The following MMP16 variants were observed in gnomAD, a reference collection of about 807,000 sequenced individuals.
MMP16 encodes matrix metalloproteinase-16.
A neutral mutation model predicts 67.8 loss-of-function variants in MMP16; 12 were observed. The ratio of observed to expected loss-of-function variants is 0.18; its 90% confidence interval spans 0.11 to 0.29. MMP16 has a LOEUF of 0.29. MMP16 is among the 10% of genes least tolerant of loss of function. MMP16 has a pLI of 1.00. For missense variants in MMP16, 475 were observed against 765.7 expected (o/e 0.62, Z 4.48); for synonymous variants, 249 against 255.9 (o/e 0.97, Z 0.26).
chr8:88,102,114 G>A (rs1291523440), intron 6 of MMP16, among the ~76,000 whole-genome samples: 1 of 151,792 alleles, frequency 6.6e-6, no homozygotes, highest in Non-Finnish European at 1.5e-5. Flanking sequence ...CAAAATATGT[G>A]GAGCTTTGTC....
At chr8:88,210,545 A>T (rs932275194) in intron 1 of MMP16, among the ~76,000 whole-genome samples, 3 of 152,104 alleles carry the variant, frequency 2.0e-5, no homozygotes, top group African/African-American at 7.2e-5. Flanking sequence ...TCTCCCCCAT[A>T]TACACACACA....
intron 4 of MMP16, among the ~76,000 whole-genome samples, chr8:88,155,547 TG>T (rs1454522806): frequency 1.1e-4 from 16 of 152,160 alleles, no homozygotes; most frequent in African/African-American, 3.4e-4. Context: ...TGTTTGCTTA[TG>T]TATTTTGCTT....
chr8:88,245,282 C>G (rs894688351), intron 1 of MMP16, among the ~76,000 whole-genome samples: 1 of 152,190 alleles, frequency 6.6e-6, no homozygotes, highest in Non-Finnish European at 1.5e-5. Flanking sequence ...AATAAATATA[C>G]AGGCTGTTCC....
At chr8:88,324,499 A>G (rs1436239263) in intron 1 of MMP16, among the ~76,000 whole-genome samples, 1 of 152,194 alleles carries the variant, frequency 6.6e-6, no homozygotes, top group Non-Finnish European at 1.5e-5. Context: ...CTTAGTTGTC[A>G]GCATAAAAAG....
At position 88,041,315 on chromosome 8, in the gene MMP16, C is replaced by A; in HGVS notation, c.*146G>T. On this transcript the variant is annotated 3_prime_UTR_variant, in exon 10 of 10. Transcript: ENST00000286614. The surrounding 1 kb of genome is among the most constrained non-coding windows in gnomAD (Gnocchi z 6.0). ...GTGTATTTCCACTCATGTGCAGGAC[C>A]AGCAACCCTCTGGGTTTGAAAGGTC... 4.1e-6 allele frequency: 3 copies of A among 731,818 alleles called. No homozygotes were observed. The highest frequency in any genetic ancestry group is 3.6e-5 in the South Asian group (2 of 56,088). 45.3% of individuals were successfully genotyped at this position (731,818 alleles called of 1,614,324 possible). A position where few individuals can be genotyped will look rare whatever the true frequency, so the allele number is the denominator to read the frequency against.
At chr8:88,223,768 C>G (rs897437858) in intron 1 of MMP16, among the ~76,000 whole-genome samples, 3 of 151,202 alleles carry the variant, frequency 2.0e-5, no homozygotes, top group Non-Finnish European at 3.0e-5. Flanking sequence ...TGCAGCACAC[C>G]AACATGGCAC....
chr8:88,081,306 G>A (rs1808747554), intron 6 of MMP16, among the ~76,000 whole-genome samples: 1 of 152,160 alleles, frequency 6.6e-6, no homozygotes. Flanking sequence ...TTTCACCACT[G>A]AACTGACTCA....
At position 88,175,973 on chromosome 8, in the gene MMP16, G is replaced by A. The variant is rs141767768; in HGVS notation, c.405-8000C>T. On this transcript the variant is annotated intron_variant, in intron 3 of 9. Coordinates refer to ENST00000286614, the MANE Select transcript of MMP16 (RefSeq NM_005941.5). ...CTGCCATGATTGTGAGGCCTCCCTA[G>A]CCATGTGGAACTGTGAGTCCATTAA... Among the ~76,000 whole-genome samples the A allele has an allele frequency of 2.6e-3, 401 of 152,266 alleles. 1 individual carries two copies. The highest frequency in any genetic ancestry group is 9.0e-3 in the African/African-American group (374 of 41,562).
chr8:88,296,997 G>T (rs1049213142), intron 1 of MMP16, among the ~76,000 whole-genome samples: 5 of 151,894 alleles, frequency 3.3e-5, no homozygotes, highest in Non-Finnish European at 7.4e-5. Context: ...GGAAAGTTAT[G>T]ATTTTAAATT....
intron 1 of MMP16, among the ~76,000 whole-genome samples, chr8:88,264,651 TGATCATTTGAAATA>T (rs1260874516): frequency 6.6e-6 from 1 of 152,188 alleles, no homozygotes; most frequent in Admixed American, 6.5e-5. Context: ...TCCTCAGAAA[TGATCATTTGAAATA>T]TGATTCAGGC....
chr8:88,084,511 G>C (rs1808801969), intron 6 of MMP16, among the ~76,000 whole-genome samples: 1 of 151,814 alleles, frequency 6.6e-6, no homozygotes, highest in Non-Finnish European at 1.5e-5. Flanking sequence ...CCCAATAAAA[G>C]ATCTAAAAAG....
At chr8:88,077,286 T>G (rs1357445157) in intron 6 of MMP16, among the ~76,000 whole-genome samples, 1 of 152,196 alleles carries the variant, frequency 6.6e-6, no homozygotes, top group Non-Finnish European at 1.5e-5. Flanking sequence ...CATGTCATGG[T>G]TACTATAGAC....
intron 6 of MMP16, among the ~76,000 whole-genome samples, chr8:88,082,318 T>C (rs1808764641): frequency 6.6e-6 from 1 of 152,116 alleles, no homozygotes; most frequent in Non-Finnish European, 1.5e-5. Flanking sequence ...TTATTTCTGG[T>C]AGGAGTGCAA....
At chr8:88,216,262 T>C (rs972782974) in intron 1 of MMP16, among the ~76,000 whole-genome samples, 9 of 152,146 alleles carry the variant, frequency 5.9e-5, no homozygotes, top group Non-Finnish European at 1.3e-4. Flanking sequence ...GACAGTTTTT[T>C]AAAAAAATTA....
chr8:88,160,918 G>C (rs182904357), intron 4 of MMP16, among the ~76,000 whole-genome samples: 41 of 152,332 alleles, frequency 2.7e-4, no homozygotes, highest in Admixed American at 2.0e-3. Context: ...TGGTGGATAA[G>C]CTTTTTGATG....
intron 7 of MMP16, among the ~76,000 whole-genome samples, chr8:88,070,439 G>T (rs751460189): frequency 6.6e-6 from 1 of 152,096 alleles, no homozygotes; most frequent in African/African-American, 2.4e-5. Context: ...ATGGCCCTCC[G>T]TGAGTGTCAG....
At chr8:88,079,692 C>T (rs923373029) in intron 6 of MMP16, among the ~76,000 whole-genome samples, 6 of 152,122 alleles carry the variant, frequency 3.9e-5, no homozygotes, top group African/African-American at 1.4e-4. Context: ...ATGTTGAAAT[C>T]CTAAGCCCCA....
At chr8:88,173,107 T>C (rs1376887363) in intron 3 of MMP16, among the ~76,000 whole-genome samples, 2 of 152,182 alleles carry the variant, frequency 1.3e-5, no homozygotes, top group Non-Finnish European at 2.9e-5. Context: ...TGGAGTGCAG[T>C]GGCAAGATCA....
At chr8:88,224,537 C>G (rs1194849930) in intron 1 of MMP16, among the ~76,000 whole-genome samples, 1 of 151,894 alleles carries the variant, frequency 6.6e-6, no homozygotes, top group Non-Finnish European at 1.5e-5. Context: ...ATGACTTTAT[C>G]TCAAACTACT....
Sources: gnomAD v4.1 joint callset for allele counts (sites outside exome capture counted in the v4.1 genomes callset) on GRCh38, gnomAD v4.1.1 for gene constraint, Gnocchi (gnomAD v3.1) non-coding constraint, MANE v1.5 for transcripts, NCBI Gene and HGNC (gene_info 2026-07-23, HGNC 2026-07-21) for gene names.